The following MYO1D variants were observed in gnomAD, a reference collection of about 807,000 sequenced individuals.
The protein encoded by MYO1D is unconventional myosin-Id.
In MYO1D, 83 loss-of-function variants were observed where a neutral mutation model predicts 122.0. The observed-to-expected ratio is 0.68, with a 90% CI of 0.57 to 0.82. The LOEUF is 0.82. Among genes scored for constraint, MYO1D ranks in the 40% least tolerant of loss-of-function variants. MYO1D has a pLI of 0.00. For missense variants in MYO1D, 1,157 were observed against 1,269.5 expected, an observed-to-expected ratio of 0.91 and a Z score of 1.35; for synonymous variants, 464 against 446.9, an observed-to-expected ratio of 1.04 and a Z score of -0.48.
At chr17:32,576,987 C>T (rs926291066) in intron 21 of MYO1D, among the ~76,000 whole-genome samples, 4 of 151,998 alleles carry the variant, frequency 2.6e-5, no homozygotes, top group African/African-American at 4.8e-5. Context: ...TGGTGGCTCA[C>T]GCCTGTAATC....
intron 2 of MYO1D, 36 bp downstream of exon 2, chr17:32,780,540 G>A (rs1315954176): frequency 1.1e-5 from 17 of 1,593,792 alleles, no homozygotes; most frequent in Non-Finnish European, 1.5e-5. Context: ...TAAACACATT[G>A]TGACTTTGGA....
chr17:32,679,934 C>G (rs920474903), intron 16 of MYO1D, among the ~76,000 whole-genome samples: 19 of 148,896 alleles, frequency 1.3e-4, no homozygotes, highest in African/African-American at 4.8e-4. Flanking sequence ...CTTTTATTTC[C>G]TTGAGCAGTG....
chr17:32,786,894 A>G (rs548930749), intron 1 of MYO1D, among the ~76,000 whole-genome samples: 28 of 152,294 alleles, frequency 1.8e-4, no homozygotes, highest in African/African-American at 6.3e-4. Context: ...AAGAAAAAAA[A>G]AGTAGGTAGT....
intron 21 of MYO1D, chr17:32,594,382 A>G (rs2150906909): frequency 4.7e-6 from 2 of 426,882 alleles, no homozygotes; most frequent in African/African-American, 4.0e-5. Context: ...CAACTGTGCC[A>G]TTTTCAGATT....
intron 19 of MYO1D, among the ~76,000 whole-genome samples, chr17:32,642,606 T>C (rs1597963915): frequency 1.3e-5 from 2 of 152,252 alleles, no homozygotes; most frequent in African/African-American, 2.4e-5. Flanking sequence ...TTTTATTTCA[T>C]TGAGCAGTGG....
intron 1 of MYO1D, among the ~76,000 whole-genome samples, chr17:32,844,221 T>C (rs988531152): frequency 3.4e-5 from 5 of 147,700 alleles, no homozygotes; most frequent in Non-Finnish European, 6.0e-5. Flanking sequence ...CTGTTCTTAA[T>C]ATGTATATAT....
intron 16 of MYO1D, among the ~76,000 whole-genome samples, chr17:32,689,663 T>C (rs551976842): frequency 6.6e-6 from 1 of 152,306 alleles, no homozygotes; most frequent in South Asian, 2.1e-4. Context: ...TTAACATTTA[T>C]GAAGAACACT....
intron 21 of MYO1D, among the ~76,000 whole-genome samples, chr17:32,572,242 C>T (rs2087237763): frequency 6.6e-6 from 1 of 151,978 alleles, no homozygotes; most frequent in Non-Finnish European, 1.5e-5. Context: ...CCCTCGCCCA[C>T]CTCCCACCAG....
intron 20 of MYO1D, among the ~76,000 whole-genome samples, chr17:32,613,332 C>CAT (rs147493491): frequency 6.6e-6 from 1 of 152,240 alleles, no homozygotes; most frequent in East Asian, 1.9e-4. Context: ...ATCTCTCTCT[C>CAT]ATACACAAAA....
intron 1 of MYO1D, among the ~76,000 whole-genome samples, chr17:32,833,306 A>C (rs2090789484): frequency 6.6e-6 from 1 of 152,198 alleles, no homozygotes; most frequent in Non-Finnish European, 1.5e-5. Context: ...CCGTCTTCAA[A>C]GTATATCGAG....
chr17:32,575,917 G>A (rs1385843652), intron 21 of MYO1D, among the ~76,000 whole-genome samples: 2 of 152,174 alleles, frequency 1.3e-5, no homozygotes, highest in African/African-American at 4.8e-5. Context: ...TATGCTTGTT[G>A]TTGAGGGAGA....
intron 21 of MYO1D, among the ~76,000 whole-genome samples, chr17:32,536,131 C>G (rs2150875652): frequency 6.6e-6 from 1 of 152,204 alleles, no homozygotes; most frequent in East Asian, 1.9e-4. Context: ...CTCCTGGGTT[C>G]AAGAGATTCT....
chr17:32,629,841 A>C (rs1289018732), intron 20 of MYO1D, among the ~76,000 whole-genome samples: 2 of 152,204 alleles, frequency 1.3e-5, no homozygotes, highest in Non-Finnish European at 2.9e-5. Context: ...AGGGAAAAGG[A>C]AGTGCATGTA....
chr17:32,692,965 C>T (rs2089123206), intron 16 of MYO1D, among the ~76,000 whole-genome samples: 1 of 152,184 alleles, frequency 6.6e-6, no homozygotes, highest in African/African-American at 2.4e-5. Flanking sequence ...AATAATTGCT[C>T]AGCAGTAATT....
chr17:32,820,193 T>C (rs1432780759), intron 1 of MYO1D, among the ~76,000 whole-genome samples: 1 of 152,212 alleles, frequency 6.6e-6, no homozygotes, highest in African/African-American at 2.4e-5. Flanking sequence ...ACAGCCATTA[T>C]GGAAAACAGT....
intron 16 of MYO1D, among the ~76,000 whole-genome samples, chr17:32,690,877 G>T (rs1299920513): frequency 6.6e-6 from 1 of 152,090 alleles, no homozygotes; most frequent in Non-Finnish European, 1.5e-5. Context: ...AGCAACTCAA[G>T]AACAGACTAA....
chr17:32,701,203 A>G (rs1428367440), intron 16 of MYO1D, among the ~76,000 whole-genome samples: 6 of 152,310 alleles, frequency 3.9e-5, no homozygotes, highest in Non-Finnish European at 1.5e-5. Flanking sequence ...CTAGGAAAAT[A>G]TAAATTACCA....
rs3040385 is a variant in MYO1D, at chr17:32,633,171, TA to T, written c.2709+5550del. On this transcript the variant is annotated intron_variant, in intron 20 of 21. Coordinates refer to ENST00000318217, the MANE Select transcript of MYO1D (RefSeq NM_015194.3). ...TTCAATGAATTTTTAAGACTAAATT[TA>T]AAAAAAAAACAGTTAAGCCCCCAAC... Among the ~76,000 whole-genome samples, 11 of 146,014 alleles carry T rather than the reference TA, an allele frequency of 7.5e-5. No homozygotes were observed. In the East Asian group the frequency reaches 1.4e-3, roughly 19 times the overall value.
chr17:32,709,108 C>T (rs762611583), intron 16 of MYO1D, among the ~76,000 whole-genome samples: 14 of 152,126 alleles, frequency 9.2e-5, no homozygotes, highest in South Asian at 2.1e-4. Flanking sequence ...AACAAACTAT[C>T]GCTGTAGATT....
Sources: gnomAD v4.1 joint callset for allele counts (sites outside exome capture counted in the v4.1 genomes callset) on GRCh38, gnomAD v4.1.1 for gene constraint, MANE v1.5 for transcripts, NCBI Gene and HGNC (gene_info 2026-07-23, HGNC 2026-07-21) for gene names.